NVL: variants seen among roughly 807,000 people sequenced by gnomAD.
NVL encodes the protein nuclear VCP like.
A neutral mutation model predicts 110.2 loss-of-function variants in NVL; 84 were observed. The ratio of observed to expected loss-of-function variants is 0.76; its 90% CI spans 0.64 to 0.91. NVL has a LOEUF of 0.91. Ranked by LOEUF, NVL falls within the 40% of genes least tolerant of loss-of-function variation. The pLI is 0.00. For synonymous variants in NVL, 354 were observed against 361.1 expected, an observed-to-expected ratio of 0.98 and a Z score of 0.22; for missense variants, 882 against 1,035.9, an observed-to-expected ratio of 0.85 and a Z score of 2.04.
Position 224,311,833 on chromosome 1 carries a change from A to G in NVL, c.309T>C (p.Asp103=). The stretch of plus-strand genomic sequence containing the variant: ...CTGGGTAGTCTTCCATACTTGAATC[A>G]TCATCAGAATAGCTTTCAGTATACC... ...DNEYTESYSD[D]DSSMEDYPDP... Residue 103 remains aspartate, a synonymous_variant, in exon 5 of 23, where the codon GAT becomes GAC. Coordinates refer to ENST00000281701, the MANE Select transcript of NVL (RefSeq NM_002533.4). 1.9e-6 allele frequency: 3 copies of G among 1,613,622 alleles called. No individual in the cohort carries two copies. The highest frequency in any genetic ancestry group is 2.5e-6 in the Non-Finnish European group (3 of 1,179,544).
intron 19 of NVL, among the ~76,000 whole-genome samples, chr1:224,240,061 ATTTTTT>A (rs34586586): frequency 1.1e-5 from 1 of 90,932 alleles, no homozygotes; most frequent in Non-Finnish European, 2.0e-5. Context: ...ACGCTGGGTA[ATTTTTT>A]TTTTTTTTTT....
intron 12 of NVL, among the ~76,000 whole-genome samples, chr1:224,293,334 G>T (rs971903948): frequency 5.3e-5 from 8 of 152,140 alleles, no homozygotes; most frequent in Admixed American, 5.2e-4. Flanking sequence ...CTCCCAAAGT[G>T]CAGGGATTAC....
rs61084002 is a variant in NVL at position 224,301,798 on chromosome 1, CAAAAAAAAAAAAAAA to C, written c.961-1150_961-1136del. The C allele has an allele frequency of 2.2e-3, 170 of 75,912 alleles. 3 individuals carry two copies. Among genetic ancestry groups the C allele is most frequent in the South Asian group, 4.0e-3 (8 of 2,000 alleles). 4.7% of individuals were successfully genotyped at this position (75,912 alleles called of 1,614,324 possible). ...TGGGCAACAGAGAGAAAATCTGTTT[CAAAAAAAAAAAAAAA>C]AAAAAAAAGAGAGAAGAGAGACTAC... On this transcript the variant is annotated intron_variant, in intron 9 of 22. Coordinates refer to ENST00000281701, the MANE Select transcript of NVL (RefSeq NM_002533.4).
rs1572038504 is a variant in NVL, at chr1:224,311,658, G to C, written c.342+142C>G. On this transcript the variant is annotated intron_variant, in intron 5 of 22. Coordinates refer to ENST00000281701, the MANE Select transcript of NVL (RefSeq NM_002533.4). ...TGGTCTCAAATTCCTGGGCTCAAGT[G>C]ATCTGCATGCCTCAGCCTCCCAAAG... 9.0e-6 allele frequency: 6 copies of C among 666,138 alleles called. No individual in the cohort carries two copies. In the East Asian group the frequency reaches 1.6e-4, roughly 18 times the overall value. 41.3% of individuals were successfully genotyped at this position (666,138 alleles called of 1,614,324 possible). A position where few individuals can be genotyped will look rare whatever the true frequency, so the allele number is the denominator to read the frequency against.
At chr1:224,253,179 A>G (rs1208765651) in intron 18 of NVL, among the ~76,000 whole-genome samples, 1 of 151,556 alleles carries the variant, frequency 6.6e-6, no homozygotes, top group Non-Finnish European at 1.5e-5. Context: ...CAAGTAGCTG[A>G]GATTACAAGT....
chr1:224,267,655 C>T (rs1461619361), intron 18 of NVL, among the ~76,000 whole-genome samples: 1 of 150,086 alleles, frequency 6.7e-6, no homozygotes, highest in East Asian at 2.0e-4. Flanking sequence ...CCACTGCATG[C>T]CAGCCTGGGT....
At chr1:224,294,581 A>G (rs1367073574) in intron 11 of NVL, among the ~76,000 whole-genome samples, 170 bp from the exon 12 acceptor site, 2 of 152,228 alleles carry the variant, frequency 1.3e-5, no homozygotes, top group African/African-American at 4.8e-5. Flanking sequence ...TGAGGAGGAT[A>G]AATAAAATAC....
intron 21 of NVL, among the ~76,000 whole-genome samples, chr1:224,231,817 G>A (rs1178069461): frequency 1.3e-5 from 2 of 151,552 alleles, no homozygotes; most frequent in African/African-American, 4.9e-5. Context: ...ATGAGATCAG[G>A]AGTTCGAGAC....
rs554394013 is a variant in NVL at position 224,309,798 on chromosome 1, G to A, written c.343-1535C>T. 1.1e-3 allele frequency among the ~76,000 whole-genome samples: 165 copies of A among 152,280 alleles called. 2 individuals carry two copies. In the Middle Eastern group the frequency reaches 0.024, roughly 22 times the overall value. On this transcript the variant is annotated intron_variant, in intron 5 of 22. Transcript: ENST00000281701. ...TATTCCAGCACTTTGGGAGGCCAAG[G>A]TGGGTGGATCACTCAAGGCCAGGAG...
At chr1:224,315,814 T>C (rs901666065) in intron 4 of NVL, among the ~76,000 whole-genome samples, 14 of 152,222 alleles carry the variant, frequency 9.2e-5, no homozygotes, top group African/African-American at 3.4e-4. Flanking sequence ...TTACATTGCA[T>C]TTTGTAGAAT....
In NVL at chr1:224,317,712, T is replaced by G; in HGVS notation, c.266A>C (p.Gln89Pro). ...EDEHLAKRAR[Q>P]GEEDNEYTES... ...TACTTACTCATTATCCTCTTCACCT[T>G]GTCTTGCCCTTTTTGCCAAATGTTC... The change falls in exon 4 of 23, where the codon CAA (glutamine) becomes CCA (proline). Residue 89 changes from glutamine (Q) to proline (P), a missense_variant. Physicochemically the swap from Gln to Pro is moderately conservative, Grantham distance 76 (BLOSUM62 -1). Coordinates refer to ENST00000281701, the MANE Select transcript of NVL (RefSeq NM_002533.4). The G allele has an allele frequency of 6.2e-7, 1 of 1,601,824 alleles. No individual in the cohort carries two copies. The highest frequency in any genetic ancestry group is 8.6e-7 in the Non-Finnish European group (1 of 1,169,232).
chr1:224,284,683 A>G (rs1462021837), intron 15 of NVL, among the ~76,000 whole-genome samples: 2 of 152,144 alleles, frequency 1.3e-5, no homozygotes, highest in Non-Finnish European at 2.9e-5. Flanking sequence ...CCTGGCCAAA[A>G]AAACACTAGT....
chr1:224,275,175 G>A (rs574834335), intron 17 of NVL, among the ~76,000 whole-genome samples, 164 bp downstream of exon 17: 3 of 152,288 alleles, frequency 2.0e-5, no homozygotes, highest in Admixed American at 2.0e-4. Flanking sequence ...GGCGGATACA[G>A]AATACAACTG....
At chr1:224,235,258 G>T (rs56070778) in intron 20 of NVL, among the ~76,000 whole-genome samples, 1 of 152,052 alleles carries the variant, frequency 6.6e-6, no homozygotes, top group Non-Finnish European at 1.5e-5. Context: ...ACCTCCACCC[G>T]CTGGGTTCAA....
intron 19 of NVL, among the ~76,000 whole-genome samples, chr1:224,242,887 G>A (rs1399767185): frequency 2.8e-5 from 4 of 142,486 alleles, no homozygotes; most frequent in South Asian, 2.2e-4. Context: ...GTGCAACGGC[G>A]CGATCTTGGC....
At chr1:224,238,080 G>A (rs1660719961) in intron 19 of NVL, among the ~76,000 whole-genome samples, 1 of 151,388 alleles carries the variant, frequency 6.6e-6, no homozygotes, top group African/African-American at 2.4e-5. Flanking sequence ...TGTCATCCAG[G>A]CTTAGTGCAA....
At chr1:224,257,016 T>A (rs1458391744) in intron 18 of NVL, 1 of 515,968 alleles carries the variant, frequency 1.9e-6, no homozygotes, top group Non-Finnish European at 4.0e-6. Context: ...CCCTATCTAA[T>A]TATGTCAGAG....
intron 19 of NVL, among the ~76,000 whole-genome samples, chr1:224,248,490 G>A (rs1003715125): frequency 6.6e-6 from 1 of 152,100 alleles, no homozygotes; most frequent in African/African-American, 2.4e-5. Flanking sequence ...TCCCTCCTCG[G>A]GGTGATTTTT....
intron 16 of NVL, among the ~76,000 whole-genome samples, chr1:224,278,734 T>C (rs1666024616): frequency 1.3e-5 from 2 of 151,860 alleles, no homozygotes; most frequent in Admixed American, 1.3e-4. Flanking sequence ...GTTAGCAATA[T>C]CCAATTTTTT....
Sources: gnomAD v4.1 joint callset for allele counts (sites outside exome capture counted in the v4.1 genomes callset) on GRCh38, gnomAD v4.1.1 for gene constraint, MANE v1.5 for transcripts, NCBI Gene and HGNC (gene_info 2026-07-23, HGNC 2026-07-21) for gene names.